Variants in ARHGAP32 observed in about 807,000 individuals in gnomAD.
The protein encoded by ARHGAP32 is Rho GTPase activating protein 32, also known as rho GTPase-activating protein 32.
In ARHGAP32, 51 loss-of-function variants were observed where a neutral mutation model predicts 186.5. That is an observed-to-expected ratio of 0.27 (90% CI 0.22 to 0.35). The LOEUF (loss-of-function observed/expected upper bound fraction) is 0.35, where lower values mean the gene tolerates loss of function less well. ARHGAP32 is among the 10% of genes least tolerant of loss of function. The probability of loss-of-function intolerance (pLI) is 1.00; values close to 1 mark genes in which losing one functional copy is unlikely to be tolerated. For missense variants in ARHGAP32, 2,186 were observed against 2,623.5 expected (o/e 0.83, Z 3.64); for synonymous variants, 950 against 964.3 (o/e 0.99, Z 0.27).
intron 1 of ARHGAP32, among the ~76,000 whole-genome samples, chr11:129,219,864 C>T (rs1289108895): frequency 6.6e-6 from 1 of 152,102 alleles, no homozygotes; most frequent in African/African-American, 2.4e-5. Flanking sequence ...CACATACACA[C>T]ACACACACAC....
intron 1 of ARHGAP32, among the ~76,000 whole-genome samples, chr11:129,238,277 C>A (rs192176089): frequency 2.0e-5 from 3 of 152,300 alleles, no homozygotes; most frequent in Non-Finnish European, 2.9e-5. Context: ...CTCTTATACC[C>A]TCCCAGGAAT....
chr11:129,045,916 G>C (rs1939786925), intron 10 of ARHGAP32, among the ~76,000 whole-genome samples: 1 of 152,194 alleles, frequency 6.6e-6, no homozygotes, highest in South Asian at 2.1e-4. Context: ...ACAATGTAGA[G>C]ACAGGGCTGG....
At chr11:129,075,985 G>A (rs897265015) in intron 6 of ARHGAP32, among the ~76,000 whole-genome samples, 4 of 152,064 alleles carry the variant, frequency 2.6e-5, no homozygotes, top group South Asian at 4.1e-4. Flanking sequence ...AATAGCAGGC[G>A]GTAAAGAAGC....
At chr11:129,263,507 C>T (rs1591384000) in intron 1 of ARHGAP32, among the ~76,000 whole-genome samples, 2 of 150,222 alleles carry the variant, frequency 1.3e-5, no homozygotes, top group African/African-American at 4.9e-5. Context: ...GAAAGGCAAA[C>T]CAAACCATGA....
At chr11:129,218,169 TTAAATA>T (rs1944668300) in intron 1 of ARHGAP32, among the ~76,000 whole-genome samples, 1 of 152,228 alleles carries the variant, frequency 6.6e-6, no homozygotes. Flanking sequence ...TTTCATGACT[TTAAATA>T]TACTGTGAAA....
At chr11:129,180,871 C>A (rs909609339) in intron 1 of ARHGAP32, among the ~76,000 whole-genome samples, 2 of 152,096 alleles carry the variant, frequency 1.3e-5, no homozygotes, top group Admixed American at 1.3e-4. Context: ...TGGGAACCAG[C>A]CTTATCATCT....
intron 10 of ARHGAP32, among the ~76,000 whole-genome samples, chr11:129,052,144 T>C (rs1940077530): frequency 6.6e-6 from 1 of 152,172 alleles, no homozygotes; most frequent in African/African-American, 2.4e-5. Context: ...GATATCCAAG[T>C]GTTCCACTGC....
intron 1 of ARHGAP32, among the ~76,000 whole-genome samples, chr11:129,198,542 CT>C (rs903895331): frequency 1.3e-5 from 2 of 152,186 alleles, no homozygotes; most frequent in Non-Finnish European, 2.9e-5. Flanking sequence ...AGGGGCACCC[CT>C]GTCGCTTGGC....
chr11:129,138,438 T>C (rs758346400), intron 2 of ARHGAP32, among the ~76,000 whole-genome samples: 4 of 152,106 alleles, frequency 2.6e-5, no homozygotes, highest in African/African-American at 4.8e-5. Context: ...CAATTTGATA[T>C]GGAAAACTTG....
At chr11:129,196,713 A>T (rs1327587017), upstream of ARHGAP32, among the ~76,000 whole-genome samples, 4 of 152,128 alleles carry the variant, frequency 2.6e-5, no homozygotes, top group African/African-American at 9.7e-5. Flanking sequence ...AGAAACTGAG[A>T]CTTAGCATCA....
chr11:128,977,441 CTCTCA>C (rs938325541), intron 19 of ARHGAP32, among the ~76,000 whole-genome samples: 4 of 152,076 alleles, frequency 2.6e-5, no homozygotes, highest in Admixed American at 1.3e-4. Context: ...TCTTACTCTC[CTCTCA>C]TGACAATTCT....
intron 1 of ARHGAP32, among the ~76,000 whole-genome samples, chr11:129,177,650 T>C (rs796705321): frequency 6.6e-6 from 1 of 152,074 alleles, no homozygotes; most frequent in East Asian, 1.9e-4. Context: ...AATCAATAAA[T>C]GTAATCCAGC....
At chr11:129,246,110 C>T (rs189676306) in intron 1 of ARHGAP32, among the ~76,000 whole-genome samples, 4 of 152,272 alleles carry the variant, frequency 2.6e-5, no homozygotes, top group African/African-American at 9.6e-5. Context: ...CAATAAAATA[C>T]AATCCCTGCC....
chr11:129,256,110 T>C (rs1227684857), intron 1 of ARHGAP32, among the ~76,000 whole-genome samples: 2 of 152,026 alleles, frequency 1.3e-5, no homozygotes, highest in East Asian at 3.9e-4. Context: ...AATTCCAGCA[T>C]ATAAAATAAG....
intron 1 of ARHGAP32, among the ~76,000 whole-genome samples, chr11:129,249,635 G>C (rs1249901602): frequency 2.0e-5 from 3 of 152,154 alleles, no homozygotes; most frequent in African/African-American, 7.2e-5. Context: ...TTGAAGGGCT[G>C]CAATTCAAGA....
chr11:128,988,248 A>G (rs1945936401), intron 12 of ARHGAP32, 123 bp from the exon 13 acceptor site: 3 of 666,906 alleles, frequency 4.5e-6, no homozygotes, highest in Non-Finnish European at 7.5e-6. Context: ...AGTTAAAAGG[A>G]GCAAAAATTA....
chr11:129,014,283 TA>T (rs1938225489), intron 11 of ARHGAP32, among the ~76,000 whole-genome samples: 1 of 152,192 alleles, frequency 6.6e-6, no homozygotes, highest in African/African-American at 2.4e-5. Context: ...ATGATACCAA[TA>T]ACCAGTTTAT....
At chr11:129,250,669 A>C (rs1469276525) in intron 1 of ARHGAP32, among the ~76,000 whole-genome samples, 2 of 152,168 alleles carry the variant, frequency 1.3e-5, no homozygotes, top group Non-Finnish European at 2.9e-5. Context: ...TTTGGCTCTA[A>C]TGAAAATTCT....
chr11:129,023,360 G>A (rs372880957), intron 11 of ARHGAP32, among the ~76,000 whole-genome samples: 9 of 152,138 alleles, frequency 5.9e-5, no homozygotes, highest in Admixed American at 3.9e-4. Context: ...TTACTTCTTC[G>A]TGCAAACTTG....
Sources: allele counts gnomAD v4.1 joint callset (sites outside exome capture counted in the v4.1 genomes callset), GRCh38; gene constraint gnomAD v4.1.1; transcripts MANE v1.5; gene names NCBI Gene and HGNC (gene_info 2026-07-23, HGNC 2026-07-21).